ALDH3A1: variants seen among roughly 807,000 people sequenced by gnomAD.
ALDH3A1 encodes the protein aldehyde dehydrogenase, dimeric NADP-preferring.
A neutral mutation model predicts 49.9 loss-of-function variants in ALDH3A1; 46 were observed. That is an observed-to-expected ratio of 0.92 (90% CI 0.73 to 1.18). ALDH3A1 has a LOEUF of 1.18. ALDH3A1 is among the 50% of genes most tolerant of loss of function. The pLI, the probability that ALDH3A1 is intolerant of heterozygous loss-of-function variation, is 0.00. For synonymous variants in ALDH3A1, 269 were observed against 253.3 expected, an observed-to-expected ratio of 1.06 and a Z score of -0.59; for missense variants, 592 against 611.8, an observed-to-expected ratio of 0.97 and a Z score of 0.34.
intron 7 of ALDH3A1, 97 bp downstream of exon 7, chr17:19,740,239 G>A (rs1158978383): frequency 1.4e-5 from 22 of 1,528,368 alleles, no homozygotes; most frequent in East Asian, 6.8e-5. Flanking sequence ...TCCCGAGGTC[G>A]TGTCCGCTTA....
chr17:19,748,157 C>T lies in ALDH3A1; in HGVS notation c.-6+102G>A, dbSNP rs1022749306. 9.2e-5 allele frequency: 32 copies of T among 347,978 alleles called. No homozygotes were observed. The highest frequency in any genetic ancestry group is 6.0e-4 in the African/African-American group (28 of 46,736). The allele number at this position is 347,978 out of a possible 1,614,324, so 21.6% of individuals were successfully genotyped here. On this transcript the variant is annotated intron_variant, in intron 1 of 10. Coordinates refer to ENST00000225740, the MANE Select transcript of ALDH3A1 (RefSeq NM_000691.5). This position sits in a 1 kb window ranked among gnomAD's most constrained non-coding sequence, Gnocchi z 4.4. ...TGATGGTCCCAGAGGCAGGGACCCC[C>T]TGGAGAGATGATGTAGGACTCTTGA...
intron 9 of ALDH3A1, 50 bp downstream of exon 9, chr17:19,738,946 G>T: frequency 6.6e-7 from 1 of 1,524,890 alleles, no homozygotes. Context: ...GGGTGAGTGT[G>T]CCCAGCCCTG....
intron 1 of ALDH3A1, among the ~76,000 whole-genome samples, chr17:19,746,682 TGC>T (rs1194154169): frequency 6.9e-5 from 10 of 144,116 alleles, no homozygotes; most frequent in African/African-American, 2.7e-4. Context: ...TGTGTGCATG[TGC>T]GTGTGTGTGT....
rs930638393 is a variant in ALDH3A1, at chr17:19,738,082, C to A, written c.*139G>T. On this transcript the variant is annotated 3_prime_UTR_variant, in exon 11 of 11. Coordinates refer to ENST00000225740, the MANE Select transcript of ALDH3A1 (RefSeq NM_000691.5). ...TGGGCCCATGTGGGAGTGGGGTGTGCACAGGTCAGCAGGTCAGCAGAGGAG... is the reference window on the plus strand; with the variant it reads ...TGGGCCCATGTGGGAGTGGGGTGTGAACAGGTCAGCAGGTCAGCAGAGGAG... The A allele has an allele frequency of 2.5e-6, 4 of 1,577,298 alleles. No homozygotes were observed. Among genetic ancestry groups the A allele is most frequent in the Non-Finnish European group, 2.6e-6 (3 of 1,169,186 alleles).
chr17:19,740,614 T>C (rs1303380038), intron 6 of ALDH3A1, 137 bp from the exon 7 acceptor site: 8 of 979,986 alleles, frequency 8.2e-6, no homozygotes, highest in Non-Finnish European at 1.2e-5. Context: ...TTATGCTTTT[T>C]AATCTTTTCT....
At position 19,743,861 on chromosome 17, in the gene ALDH3A1, C is replaced by G. The variant is rs747805938; in HGVS notation, c.163-398G>C. ...AGATTCGGGCACTGGGAGCTGGATC[C>G]GGGCAGGGTGGAGGGAGCCAGGCCC... On this transcript the variant is annotated intron_variant, in intron 2 of 10. Coordinates refer to ENST00000225740, the MANE Select transcript of ALDH3A1 (RefSeq NM_000691.5). This position sits in a 1 kb window ranked among gnomAD's most constrained non-coding sequence, Gnocchi z 4.4. The G allele has an allele frequency of 1.0e-6, 1 of 983,916 alleles. No individual in the cohort carries two copies. The highest frequency in any genetic ancestry group is 4.7e-5 in the South Asian group (1 of 21,230). 60.9% of individuals were successfully genotyped at this position (983,916 alleles called of 1,614,324 possible).
In ALDH3A1 at chr17:19,738,194, G is replaced by A; in HGVS notation, c.*27C>T. 4.3e-6 allele frequency: 7 copies of A among 1,613,790 alleles called. No individual in the cohort carries two copies. The highest frequency in any genetic ancestry group is 5.9e-6 in the Non-Finnish European group (7 of 1,179,986). On this transcript the variant is annotated 3_prime_UTR_variant, in exon 11 of 11. Coordinates refer to ENST00000225740, the MANE Select transcript of ALDH3A1 (RefSeq NM_000691.5). ...TCCGCACTCCGATGGGACACAGTAT[G>A]GCCAGGCCAGGCGGAGCAACCCCTC...
chr17:19,744,657 C>T (rs1212900415), intron 2 of ALDH3A1: 18 of 985,252 alleles, frequency 1.8e-5, no homozygotes, highest in Non-Finnish European at 2.2e-5. Context: ...CCAAGTGGTC[C>T]TGCGTGGGGC....
At chr17:19,744,724 G>C (rs2086564886) in intron 2 of ALDH3A1, 3 of 1,353,906 alleles carry the variant, frequency 2.2e-6, no homozygotes, top group Non-Finnish European at 9.5e-7. Context: ...AGTTGAAATG[G>C]GGGACGCTGC....
intron 8 of ALDH3A1, 89 bp from the exon 9 acceptor site, chr17:19,739,184 C>G: frequency 8.3e-7 from 1 of 1,206,336 alleles, no homozygotes; most frequent in South Asian, 1.3e-5. Flanking sequence ...TAGCCTGGAG[C>G]CACAAGGACA....
At chr17:19,747,468 C>T (rs1008251790) in intron 1 of ALDH3A1, among the ~76,000 whole-genome samples, 6 of 152,256 alleles carry the variant, frequency 3.9e-5, no homozygotes, top group Non-Finnish European at 7.3e-5. Context: ...CCAAGGCAGG[C>T]AGCCCAGGTG....
chr17:19,738,551 AC>A, intron 9 of ALDH3A1, 98 bp from the exon 10 acceptor site: 1 of 1,508,822 alleles, frequency 6.6e-7, no homozygotes, highest in Non-Finnish European at 9.0e-7. Context: ...AACCACAGGG[AC>A]AGGGAGGCAG....
intron 4 of ALDH3A1, 117 bp downstream of exon 4, chr17:19,742,428 G>T: frequency 7.9e-7 from 1 of 1,262,870 alleles, no homozygotes; most frequent in Non-Finnish European, 1.1e-6. Context: ...ACAATCCTCA[G>T]CCCCACCAGT....
At chr17:19,742,666 T>C in intron 3 of ALDH3A1, 36 bp from the exon 4 acceptor site, 4 of 1,613,424 alleles carry the variant, frequency 2.5e-6, no homozygotes, top group Non-Finnish European at 3.4e-6. Context: ...ATGCCCAGGG[T>C]ACTTCACCAG....
chr17:19,738,615 C>T (rs1481537663), intron 9 of ALDH3A1, 162 bp from the exon 10 acceptor site: 18 of 1,106,502 alleles, frequency 1.6e-5, no homozygotes, highest in African/African-American at 3.1e-5. Context: ...CCCTCAGCAC[C>T]CAGCCCCAGG....
intron 3 of ALDH3A1, chr17:19,742,917 G>T: frequency 6.6e-7 from 1 of 1,525,348 alleles, no homozygotes. Flanking sequence ...CTGGGGGCCC[G>T]GTTGGTAGAA....
chr17:19,743,899 G>C lies in ALDH3A1; in HGVS notation c.163-436C>G. Reference sequence around the variant, plus strand: ...GGGAGCCAGGCCCTTTAGTTGTCTGGAGGGGGATGCAGGACCAAGGGCTGC... The same window carrying C: ...GGGAGCCAGGCCCTTTAGTTGTCTGCAGGGGGATGCAGGACCAAGGGCTGC... On this transcript the variant is annotated intron_variant, in intron 2 of 10. Coordinates refer to ENST00000225740, the MANE Select transcript of ALDH3A1 (RefSeq NM_000691.5). The surrounding 1 kb of genome is among the most constrained non-coding windows in gnomAD (Gnocchi z 4.4). 4.1e-6 allele frequency: 4 copies of C among 985,278 alleles called. No individual in the cohort carries two copies. The highest frequency in any genetic ancestry group is 4.8e-6 in the Non-Finnish European group (4 of 829,878). 61.0% of individuals were successfully genotyped at this position (985,278 alleles called of 1,614,324 possible).
chr17:19,741,881 C>G, intron 5 of ALDH3A1, 123 bp downstream of exon 5: 2 of 980,314 alleles, frequency 2.0e-6, no homozygotes, highest in Non-Finnish European at 3.1e-6. Flanking sequence ...CTGCAAGGAC[C>G]ACTGCTCCAT....
chr17:19,744,461 G>A (rs2086560634), intron 2 of ALDH3A1: 1 of 985,292 alleles, frequency 1.0e-6, no homozygotes, highest in African/African-American at 1.7e-5. Flanking sequence ...GGTAGTCGGT[G>A]GGAGGATGGG....
Sources: gnomAD v4.1 joint callset for allele counts (sites outside exome capture counted in the v4.1 genomes callset) on GRCh38, gnomAD v4.1.1 for gene constraint, Gnocchi (gnomAD v3.1) non-coding constraint, MANE v1.5 for transcripts, NCBI Gene and HGNC (gene_info 2026-07-23, HGNC 2026-07-21) for gene names.